The following LPP variants were observed in gnomAD, a reference collection of about 807,000 sequenced individuals.
The protein encoded by LPP is LIM domain containing preferred translocation partner in lipoma.
LPP carries 38 observed loss-of-function variants against 60.4 expected under a neutral mutation model. That is an observed-to-expected ratio of 0.63 (90% CI 0.49 to 0.83). The LOEUF is 0.83. Ranked by LOEUF, LPP falls within the 40% of genes least tolerant of loss-of-function variation. The pLI is 0.00. For synonymous variants in LPP, 328 were observed against 290.8 expected, an observed-to-expected ratio of 1.13 and a Z score of -1.30; for missense variants, 902 against 783.6, an observed-to-expected ratio of 1.15 and a Z score of -1.80.
At chr3:188,703,793 T>A (rs1864948258) in intron 7 of LPP, among the ~76,000 whole-genome samples, 1 of 152,200 alleles carries the variant, frequency 6.6e-6, no homozygotes, top group Admixed American at 6.5e-5. Context: ...ATCTGTGAAA[T>A]ATTGACAAGG....
intron 7 of LPP, among the ~76,000 whole-genome samples, chr3:188,690,742 A>C (rs1330349735): frequency 1.3e-5 from 2 of 152,324 alleles, no homozygotes; most frequent in East Asian, 1.9e-4. Context: ...AGTTAAGAAC[A>C]CAGTTGCTAG....
intron 4 of LPP, among the ~76,000 whole-genome samples, chr3:188,407,081 A>T (rs1359362826): frequency 2.6e-5 from 1 of 38,404 alleles, no homozygotes; most frequent in East Asian, 1.4e-3. Flanking sequence ...ACTTAAAATA[A>T]AAAAAAAAAA....
intron 2 of LPP, among the ~76,000 whole-genome samples, chr3:188,334,108 G>A (rs974303163): frequency 6.6e-6 from 1 of 152,124 alleles, no homozygotes; most frequent in South Asian, 2.1e-4. Context: ...TATGAGAAAG[G>A]ACATGTGACA....
chr3:188,753,803 A>C (rs1729036620), intron 8 of LPP, among the ~76,000 whole-genome samples: 1 of 151,924 alleles, frequency 6.6e-6, no homozygotes, highest in East Asian at 1.9e-4. Context: ...ATGTATTTGT[A>C]GAGGGAAAAA....
intron 9 of LPP, among the ~76,000 whole-genome samples, chr3:188,763,519 G>A (rs962418880): frequency 1.6e-4 from 24 of 152,134 alleles, no homozygotes; most frequent in African/African-American, 5.8e-4. Context: ...TATTGAGTTT[G>A]TTCTTAATCT....
chr3:188,387,847 G>A (rs985537234), intron 3 of LPP, among the ~76,000 whole-genome samples: 4 of 152,076 alleles, frequency 2.6e-5, no homozygotes, highest in South Asian at 2.1e-4. Flanking sequence ...TTACAGGCAT[G>A]AGCCACCCTG....
chr3:188,487,972 G>T (rs563209263), intron 5 of LPP, among the ~76,000 whole-genome samples: 1 of 151,866 alleles, frequency 6.6e-6, no homozygotes, highest in Non-Finnish European at 1.5e-5. Flanking sequence ...CAACTCTGGC[G>T]CCAGGCATCT....
At chr3:188,515,063 T>C (rs1396591998) in intron 5 of LPP, among the ~76,000 whole-genome samples, 1 of 152,216 alleles carries the variant, frequency 6.6e-6, no homozygotes, top group Non-Finnish European at 1.5e-5. Context: ...TTATCAAGCG[T>C]AGCATTTATG....
chr3:188,153,637 C>T (rs1715138585), upstream of LPP: 1 of 152,452 alleles, frequency 6.6e-6, no homozygotes, highest in South Asian at 2.1e-4. Context: ...TCCTCCTCTT[C>T]CTCCCAGGAA....
intron 2 of LPP, among the ~76,000 whole-genome samples, chr3:188,312,286 G>A (rs148808259): frequency 8.8e-4 from 134 of 152,084 alleles, no homozygotes; most frequent in Middle Eastern, 6.8e-3. Context: ...GAAATGAGCC[G>A]TACCCATTTG....
intron 7 of LPP, among the ~76,000 whole-genome samples, chr3:188,682,988 G>A (rs1276109489): frequency 1.3e-5 from 2 of 152,072 alleles, no homozygotes; most frequent in East Asian, 3.9e-4. Context: ...TGACCACAAA[G>A]AAGAATAAGG....
chr3:188,446,265 C>T (rs370374014), intron 4 of LPP, among the ~76,000 whole-genome samples: 8 of 152,190 alleles, frequency 5.3e-5, no homozygotes, highest in African/African-American at 1.7e-4. Context: ...CAATCTCACA[C>T]GGCCTAGAAG....
At chr3:188,591,847 C>T (rs780497189) in intron 6 of LPP, among the ~76,000 whole-genome samples, 1 of 152,140 alleles carries the variant, frequency 6.6e-6, no homozygotes, top group Non-Finnish European at 1.5e-5. Context: ...CTTGAGACAA[C>T]AAGGCTTTTT....
At chr3:188,717,034 G>A (rs1204384001) in intron 8 of LPP, among the ~76,000 whole-genome samples, 1 of 152,182 alleles carries the variant, frequency 6.6e-6, no homozygotes, top group Non-Finnish European at 1.5e-5. Flanking sequence ...AAAATAGACA[G>A]TGTGTTTATT....
chr3:188,440,079 C>T (rs745520198), intron 4 of LPP, among the ~76,000 whole-genome samples: 2 of 152,164 alleles, frequency 1.3e-5, no homozygotes, highest in Non-Finnish European at 2.9e-5. Context: ...GTCCTAGCTT[C>T]TCTGCAAGTT....
upstream of LPP, chr3:188,153,783 C>A (rs1715171516): frequency 6.6e-6 from 1 of 151,550 alleles, no homozygotes; most frequent in Non-Finnish European, 1.5e-5. Context: ...CAAATGCGTG[C>A]AGGCAAAGTC....
chr3:188,740,985 A>C (rs560578035), intron 8 of LPP, among the ~76,000 whole-genome samples: 1 of 152,122 alleles, frequency 6.6e-6, no homozygotes, highest in Admixed American at 6.6e-5. Context: ...TTGATAAGAT[A>C]TCTGCAAATG....
chr3:188,594,278 A>G (rs1448470998), intron 6 of LPP, among the ~76,000 whole-genome samples: 1 of 152,214 alleles, frequency 6.6e-6, no homozygotes, highest in Non-Finnish European at 1.5e-5. Flanking sequence ...AGGGGAAGGA[A>G]CTGAGTCACA....
At chr3:188,209,002 A>G (rs936056334) in intron 1 of LPP, among the ~76,000 whole-genome samples, 1 of 152,190 alleles carries the variant, frequency 6.6e-6, no homozygotes, top group South Asian at 2.1e-4. Flanking sequence ...ATTATCTCAT[A>G]TGATCCTTAT....
Sources: allele counts gnomAD v4.1 joint callset (sites outside exome capture counted in the v4.1 genomes callset), GRCh38; gene constraint gnomAD v4.1.1; transcripts MANE v1.5; gene names NCBI Gene and HGNC (gene_info 2026-07-23, HGNC 2026-07-21).